Variants in LRBA observed in about 807,000 individuals in gnomAD.
LRBA encodes the protein lipopolysaccharide-responsive and beige-like anchor protein.
Under a neutral mutation model 330.0 loss-of-function variants are expected in LRBA, and 176 were observed. That is an observed-to-expected ratio of 0.53 (90% CI 0.47 to 0.60). The LOEUF (loss-of-function observed/expected upper bound fraction) is 0.60. Among genes scored for constraint, LRBA ranks in the 20% least tolerant of loss-of-function variants. LRBA has a pLI of 0.00. For synonymous variants in LRBA, 1,230 were observed against 1,193.0 expected, an observed-to-expected ratio of 1.03 and a Z score of -0.64; for missense variants, 3,259 against 3,444.8, an observed-to-expected ratio of 0.95 and a Z score of 1.35.
intron 48 of LRBA, among the ~76,000 whole-genome samples, chr4:150,340,751 A>T (rs1238592869): frequency 6.6e-6 from 1 of 152,178 alleles, no homozygotes; most frequent in Admixed American, 6.5e-5. Context: ...TAGTGTTTAT[A>T]CGTGAATATA....
chr4:150,422,646 T>C, intron 46 of LRBA: 1 of 627,936 alleles, frequency 1.6e-6, no homozygotes, highest in South Asian at 1.8e-5. Context: ...CTGAGTTCCT[T>C]AGAAGAACTG....
chr4:150,414,216 A>G (rs965162562), intron 47 of LRBA, among the ~76,000 whole-genome samples: 19 of 152,228 alleles, frequency 1.2e-4, no homozygotes, highest in African/African-American at 4.6e-4. Flanking sequence ...TGATTGATAA[A>G]GGATTGGAAA....
At chr4:151,002,196 C>CAAAAAAAA (rs143587760) in intron 2 of LRBA, among the ~76,000 whole-genome samples, 2 of 24,388 alleles carry the variant, frequency 8.2e-5, no homozygotes, top group African/African-American at 1.6e-4. Flanking sequence ...CATAAAACAG[C>CAAAAAAAA]AAAAAAAAAA....
In LRBA at chr4:150,921,314, T is replaced by A. The variant is rs372255428; in HGVS notation, c.550-21A>T. On this transcript the variant is annotated intron_variant, in intron 4 of 56. Transcript: ENST00000651943. ...GGAGGCTATGAAGATAATTAACAAT[T>A]CATTAACCACATTATTTACCATAAG... 2.3e-4 allele frequency: 318 copies of A among 1,377,294 alleles called. 1 individual carries two copies. Among genetic ancestry groups the A allele is most frequent in the Admixed American group, 1.1e-3 (68 of 59,320 alleles). The allele number at this position is 1,377,294 out of a possible 1,614,324, so 85.3% of individuals were successfully genotyped here.
At chr4:150,421,362 A>G (rs942547121) in intron 46 of LRBA, among the ~76,000 whole-genome samples, 16 of 147,186 alleles carry the variant, frequency 1.1e-4, no homozygotes, top group Non-Finnish European at 2.2e-4. Context: ...ATATACATAT[A>G]TACACATACA....
chr4:150,746,518 T>C (rs933477570), intron 35 of LRBA, among the ~76,000 whole-genome samples: 1 of 150,206 alleles, frequency 6.7e-6, no homozygotes, highest in Non-Finnish European at 1.5e-5. Context: ...TTTTTTTTTT[T>C]TTTTTTTTGT....
At chr4:150,971,175 G>A (rs925703226) in intron 2 of LRBA, among the ~76,000 whole-genome samples, 1 of 152,174 alleles carries the variant, frequency 6.6e-6, no homozygotes, top group Non-Finnish European at 1.5e-5. Context: ...ATTAGTTATG[G>A]TTGCTACTAC....
chr4:150,751,836 C>G (rs1000376033), intron 35 of LRBA, among the ~76,000 whole-genome samples: 1 of 152,230 alleles, frequency 6.6e-6, no homozygotes, highest in East Asian at 1.9e-4. Context: ...AACCATCTCC[C>G]ATAACTACAT....
intron 2 of LRBA, among the ~76,000 whole-genome samples, chr4:150,953,993 G>C (rs1468146570): frequency 7.1e-6 from 1 of 140,278 alleles, no homozygotes; most frequent in African/African-American, 2.7e-5. Context: ...GGGAGGTAAG[G>C]AGCGTCTCTG....
chr4:150,350,456 G>A (rs945499682), intron 47 of LRBA, among the ~76,000 whole-genome samples: 4 of 151,820 alleles, frequency 2.6e-5, no homozygotes, highest in African/African-American at 9.7e-5. Flanking sequence ...TGTAATCCCA[G>A]CTATTCAGGA....
chr4:150,604,237 TG>T (rs1477946172), intron 37 of LRBA, among the ~76,000 whole-genome samples: 1 of 151,566 alleles, frequency 6.6e-6, no homozygotes, highest in Non-Finnish European at 1.5e-5. Flanking sequence ...AGCAAGACCC[TG>T]GTTCAAAAAA....
rs144482583 is a variant in LRBA, at chr4:150,555,896, G to A, written c.6330+32152C>T. Among the ~76,000 whole-genome samples the A allele has an allele frequency of 5.4e-3, 814 of 152,044 alleles. 2 individuals are homozygous for A. The highest frequency in any genetic ancestry group is 7.1e-3 in the Non-Finnish European group (481 of 67,984). On this transcript the variant is annotated intron_variant, in intron 40 of 56. Coordinates refer to ENST00000651943, the MANE Select transcript of LRBA (RefSeq NM_001364905.1). ...CGGCTCACTGCAGCCTTAATCTCCT[G>A]GGTCCAGCCAATCCTCCCAAGTCAG...
At position 150,982,733 on chromosome 4, in the gene LRBA, G is replaced by A. The variant is rs575067872; in HGVS notation, c.216+31694C>T. 6.6e-5 allele frequency among the ~76,000 whole-genome samples: 10 copies of A among 152,248 alleles called. No individual in the cohort carries two copies. In the South Asian group the frequency reaches 1.9e-3, roughly 28 times the overall value. ...TAAGATGGGTCAAGTAACAACAGAG[G>A]ACAACAAGTAAACAAAGAAGCCACA... On this transcript the variant is annotated intron_variant, in intron 2 of 56. Transcript: ENST00000651943.
At chr4:150,445,456 T>G (rs1025843506) in intron 44 of LRBA, among the ~76,000 whole-genome samples, 1 of 148,786 alleles carries the variant, frequency 6.7e-6, no homozygotes, top group Non-Finnish European at 1.5e-5. Context: ...TGCTCAACGC[T>G]GAGTTGGGAA....
intron 40 of LRBA, among the ~76,000 whole-genome samples, chr4:150,575,252 G>C (rs1770398158): frequency 6.6e-6 from 1 of 151,872 alleles, no homozygotes; most frequent in South Asian, 2.1e-4. Context: ...TCCATACATA[G>C]ATTACAACCA....
chr4:150,489,048 T>A (rs1252342609), intron 41 of LRBA, among the ~76,000 whole-genome samples: 9 of 110,588 alleles, frequency 8.1e-5, no homozygotes, highest in Non-Finnish European at 8.4e-5. Context: ...TATAATATAT[T>A]ATATATAAGA....
At chr4:150,867,176 G>A (rs949709555) in intron 22 of LRBA, among the ~76,000 whole-genome samples, 4 of 147,314 alleles carry the variant, frequency 2.7e-5, no homozygotes, top group Admixed American at 6.8e-5. Context: ...TGTAAGATTA[G>A]CACAGGGCAG....
chr4:150,504,610 G>T (rs1360153607), intron 40 of LRBA, among the ~76,000 whole-genome samples: 1 of 152,130 alleles, frequency 6.6e-6, no homozygotes, highest in Admixed American at 6.5e-5. Context: ...ACATGGAAAG[G>T]AACAACTGGT....
chr4:150,866,933 G>C (rs1253052124), intron 22 of LRBA, among the ~76,000 whole-genome samples: 1 of 151,816 alleles, frequency 6.6e-6, no homozygotes, highest in Non-Finnish European at 1.5e-5. Flanking sequence ...GTATAGAAAA[G>C]ACAAAAGACA....
Sources: gnomAD v4.1 joint callset for allele counts (sites outside exome capture counted in the v4.1 genomes callset) on GRCh38, gnomAD v4.1.1 for gene constraint, MANE v1.5 for transcripts, NCBI Gene and HGNC (gene_info 2026-07-23, HGNC 2026-07-21) for gene names.